BDH1: variants seen among roughly 807,000 people sequenced by gnomAD.
BDH1 encodes D-beta-hydroxybutyrate dehydrogenase, mitochondrial.
A neutral mutation model predicts 33.1 loss-of-function variants in BDH1; 30 were observed. The ratio of observed to expected loss-of-function variants is 0.91; its 90% CI spans 0.68 to 1.23. BDH1 has a LOEUF of 1.23. BDH1 is among the 50% of genes most tolerant of loss of function. The pLI is 0.00. For missense variants in BDH1, 443 were observed against 464.4 expected (o/e 0.95, Z 0.42); for synonymous variants, 190 against 183.6 (o/e 1.03, Z -0.28).
In BDH1 at chr3:197,516,447, GGTGGACCTA is replaced by G. The variant is rs935481022; in HGVS notation, c.410-2040_410-2032del. Among the ~76,000 whole-genome samples, 21 of 152,272 alleles carry G rather than the reference GGTGGACCTA, an allele frequency of 1.4e-4. No individual in the cohort carries two copies. Among genetic ancestry groups the G allele is most frequent in the African/African-American group, 5.1e-4 (21 of 41,536 alleles). On this transcript the variant is annotated intron_variant, in intron 6 of 7. Coordinates refer to ENST00000392379, the MANE Select transcript of BDH1 (RefSeq NM_203314.3). The surrounding 1 kb of genome is among the most constrained non-coding windows in gnomAD (Gnocchi z 4.2). ...TACAGCTTTAATGAGTGTTGAGAGT[GGTGGACCTA>G]GTTGCCATCTGGAATCCTCAGCCAA...
intron 1 of BDH1, among the ~76,000 whole-genome samples, chr3:197,572,661 C>T (rs1162089217): frequency 6.6e-6 from 1 of 152,156 alleles, no homozygotes; most frequent in Non-Finnish European, 1.5e-5. Flanking sequence ...CCCTTGAGCC[C>T]ACGAGTTTGA....
chr3:197,533,813 T>C, intron 3 of BDH1: 1 of 504,312 alleles, frequency 2.0e-6, no homozygotes. Context: ...AAGCTACTTT[T>C]GTTGGGCAGG....
rs1553875236 is a variant in BDH1, at chr3:197,549,975, T to TTATTTTTATATATATATATATA, written c.-43-3490_-43-3489insTATATATATATATATAAAAATA. On this transcript the variant is annotated intron_variant, in intron 2 of 7. Transcript: ENST00000392379. ...TATATGCACTATAATCAAATAACTATTATATATATATTTGGCCATTCCTCT... is the reference window on the plus strand; with the variant it reads ...TATATGCACTATAATCAAATAACTATTATTTTTATATATATATATATATATATATATATTTGGCCATTCCTCT... Among the ~76,000 whole-genome samples the TTATTTTTATATATATATATATA allele has an allele frequency of 2.3e-3, 343 of 146,942 alleles. 7 individuals are homozygous for TTATTTTTATATATATATATATA. Among genetic ancestry groups the TTATTTTTATATATATATATATA allele is most frequent in the Middle Eastern group, 0.017 (5 of 290 alleles).
intron 1 of BDH1, among the ~76,000 whole-genome samples, chr3:197,568,629 C>T (rs184827854): frequency 6.6e-5 from 10 of 152,006 alleles, no homozygotes; most frequent in South Asian, 2.1e-4. Flanking sequence ...TTAACTCTTA[C>T]GTATTCATTA....
In BDH1 at chr3:197,522,933, G is replaced by A. The variant is rs1336773487; in HGVS notation, c.268-152C>T. 12 of 804,654 alleles carry A rather than the reference G, an allele frequency of 1.5e-5. No individual in the cohort carries two copies. Among genetic ancestry groups the A allele is most frequent in the Admixed American group, 2.9e-5 (1 of 34,338 alleles). The allele number at this position is 804,654 out of a possible 1,614,324, so 49.8% of individuals were successfully genotyped here. A position where few individuals can be genotyped will look rare whatever the true frequency, so the allele number is the denominator to read the frequency against. ...CCATGGGCCTGGCCCACCAGCATGC[G>A]GTTCTTTTTAATCCTGAGCACTGAT... On this transcript the variant is annotated intron_variant, in intron 5 of 7. Transcript: ENST00000392379. The surrounding 1 kb of genome is among the most constrained non-coding windows in gnomAD (Gnocchi z 4.8).
chr3:197,517,338 C>A (rs1712869283), intron 6 of BDH1, among the ~76,000 whole-genome samples: 1 of 96,516 alleles, frequency 1.0e-5, no homozygotes, highest in Non-Finnish European at 2.1e-5. Context: ...TGGTCTCCAT[C>A]CCCCCCTCAG....
rs530157008 is a variant in BDH1 at position 197,531,116 on chromosome 3, C to A, written c.267+1296G>T. 4.6e-5 allele frequency among the ~76,000 whole-genome samples: 7 copies of A among 152,256 alleles called. No homozygotes were observed. In the South Asian group the frequency reaches 1.4e-3, roughly 32 times the overall value. On this transcript the variant is annotated intron_variant, in intron 5 of 7. Coordinates refer to ENST00000392379, the MANE Select transcript of BDH1 (RefSeq NM_203314.3). Reference sequence around the variant, plus strand: ...TAGCTTTTAAAAATAGTGCTTTGGGCCAGACGTGGTGGCTCACGCCTGTAA... The same window carrying A: ...TAGCTTTTAAAAATAGTGCTTTGGGACAGACGTGGTGGCTCACGCCTGTAA...
intron 5 of BDH1, among the ~76,000 whole-genome samples, chr3:197,527,765 C>T (rs1298031446): frequency 6.6e-6 from 1 of 151,864 alleles, no homozygotes; most frequent in African/African-American, 2.4e-5. Flanking sequence ...CCCGCACCTC[C>T]TTGGTTTCTG....
intron 2 of BDH1, among the ~76,000 whole-genome samples, chr3:197,550,362 G>A (rs1191007849): frequency 1.3e-5 from 2 of 152,124 alleles, no homozygotes; most frequent in African/African-American, 2.4e-5. Flanking sequence ...ATTAGGCTTC[G>A]GTGGCGACCA....
upstream of BDH1, among the ~76,000 whole-genome samples, chr3:197,559,643 G>A (rs1290119844): frequency 6.6e-6 from 1 of 152,166 alleles, no homozygotes; most frequent in Non-Finnish European, 1.5e-5. Context: ...TCCCAACCCT[G>A]CTAAGGAAGA....
chr3:197,532,546 T>C, intron 4 of BDH1, 24 bp from the exon 5 acceptor site: 2 of 1,587,262 alleles, frequency 1.3e-6, no homozygotes, highest in Admixed American at 1.7e-5. Flanking sequence ...TCAGATTCCA[T>C]GTTAGGAACC....
intron 5 of BDH1, among the ~76,000 whole-genome samples, chr3:197,531,435 A>ATG (rs1449889627): frequency 0.075 from 10,987 of 145,922 alleles, 501 homozygotes; most frequent in Middle Eastern, 0.1. Context: ...ATATATATAT[A>ATG]TGTGTATATA....
In BDH1 at chr3:197,554,877, G is replaced by A. The variant is rs1284660480; in HGVS notation, c.-195-164C>T. Among the ~76,000 whole-genome samples, 2 of 152,248 alleles carry A rather than the reference G, an allele frequency of 1.3e-5. No homozygotes were observed. The highest frequency in any genetic ancestry group is 2.4e-5 in the African/African-American group (1 of 41,476). On this transcript the variant is annotated intron_variant, in intron 1 of 7. Transcript: ENST00000392379. The surrounding 1 kb of genome is among the most constrained non-coding windows in gnomAD (Gnocchi z 4.4). ...GCTCAAACCCACAGGGTATCTATCA[G>A]GCGCGCGTCAGCACGTAAGCAGAGC...
chr3:197,513,420 G>A (rs1032516950), intron 7 of BDH1, among the ~76,000 whole-genome samples: 1 of 148,760 alleles, frequency 6.7e-6, no homozygotes, highest in Admixed American at 6.6e-5. Context: ...GTGTGCCCCC[G>A]GGAGGGCCCT....
Position 197,522,619 on chromosome 3 carries a change from C to T in BDH1, c.409+21G>A, listed in dbSNP as rs763140297. 5.6e-6 allele frequency: 9 copies of T among 1,613,216 alleles called. No individual in the cohort carries two copies. Among genetic ancestry groups the T allele is most frequent in the Non-Finnish European group, 7.6e-6 (9 of 1,179,594 alleles). Reference sequence around the variant, plus strand: ...GGAATGGCCCCATACACAACCCCTGCCGTCCGAAGGGGCGCCCTACCTTTC... The same window carrying T: ...GGAATGGCCCCATACACAACCCCTGTCGTCCGAAGGGGCGCCCTACCTTTC... On this transcript the variant is annotated intron_variant, in intron 6 of 7. Transcript: ENST00000392379. This position sits in a 1 kb window ranked among gnomAD's most constrained non-coding sequence, Gnocchi z 4.8.
Position 197,522,196 on chromosome 3 carries a change from C to T in BDH1, c.409+444G>A, listed in dbSNP as rs981312849. Among the ~76,000 whole-genome samples the T allele has an allele frequency of 6.6e-6, 1 of 152,200 alleles. No individual in the cohort carries two copies. The highest frequency in any genetic ancestry group is 1.5e-5 in the Non-Finnish European group (1 of 68,034). ...CTTAACTGGCCTATTTCCACTGCGC[C>T]CCCATGGCTGGACTGACCCCTCCTT... On this transcript the variant is annotated intron_variant, in intron 6 of 7. Coordinates refer to ENST00000392379, the MANE Select transcript of BDH1 (RefSeq NM_203314.3). This position sits in a 1 kb window ranked among gnomAD's most constrained non-coding sequence, Gnocchi z 4.8.
intron 3 of BDH1, among the ~76,000 whole-genome samples, chr3:197,536,862 A>C (rs559966738): frequency 3.3e-5 from 5 of 152,332 alleles, no homozygotes; most frequent in African/African-American, 1.2e-4. Flanking sequence ...CCAACCAAAC[A>C]AACAAAAACA....
chr3:197,572,632 G>A (rs1717647653), intron 1 of BDH1, among the ~76,000 whole-genome samples: 1 of 152,146 alleles, frequency 6.6e-6, no homozygotes, highest in South Asian at 2.1e-4. Flanking sequence ...AGCTACTCAG[G>A]AGACTGAGAC....
intron 7 of BDH1, among the ~76,000 whole-genome samples, chr3:197,513,687 C>T (rs1712359205): frequency 6.6e-6 from 1 of 152,190 alleles, no homozygotes; most frequent in African/African-American, 2.4e-5. Flanking sequence ...TAGGACTTCA[C>T]CATAGATGTA....
Sources: allele counts gnomAD v4.1 joint callset (sites outside exome capture counted in the v4.1 genomes callset), GRCh38; gene constraint gnomAD v4.1.1; non-coding constraint Gnocchi (gnomAD v3.1); transcripts MANE v1.5; gene names NCBI Gene and HGNC (gene_info 2026-07-23, HGNC 2026-07-21).